The following MANSC4 variants were observed in gnomAD, a reference collection of about 807,000 sequenced individuals.
MANSC4 encodes the protein MANSC domain-containing protein 4.
MANSC4 carries 11 observed loss-of-function variants against 11.4 expected under a neutral mutation model. The ratio of observed to expected loss-of-function variants is 0.97; its 90% CI spans 0.61 to 1.60. MANSC4 has a LOEUF of 1.60. Among genes scored for constraint, MANSC4 ranks in the 40% most tolerant of loss-of-function variants. The pLI is 0.00. For synonymous variants in MANSC4, 123 were observed against 147.1 expected (o/e 0.84, Z 1.19); for missense variants, 354 against 404.6 (o/e 0.88, Z 1.07).
Position 27,771,200 on chromosome 12 carries a change from G to A in MANSC4, c.77C>T (p.Pro26Leu). 6.4e-7 allele frequency: 1 copy of A among 1,552,006 alleles called. No individual in the cohort carries two copies. The highest frequency in any genetic ancestry group is 8.7e-7 in the Non-Finnish European group (1 of 1,147,080). ...MGWTSDSLCSPTIFYRDCWIR... is the reference protein window; with the variant it reads ...MGWTSDSLCSLTIFYRDCWIR... ...CCAGCAGTCTCTGTAAAAAATTGTG[G>A]GTGAGCAGAGAGAGTCTGATGTCCA... Residue 26 changes from proline to leucine, a missense_variant, in exon 2 of 4, where the codon CCC (proline) becomes CTC (leucine). By Grantham distance (98) the Pro-to-Leu change is moderately conservative (BLOSUM62 -3). Transcript: ENST00000381273.
intron 2 of MANSC4, among the ~76,000 whole-genome samples, chr12:27,767,625 C>T (rs1254668863): frequency 6.6e-6 from 1 of 151,968 alleles, no homozygotes; most frequent in African/African-American, 2.4e-5. Flanking sequence ...ATCGCTTAAA[C>T]CCAGGAGGTT....
At chr12:27,777,189 C>G (rs1035507952) in intron 1 of MANSC4, among the ~76,000 whole-genome samples, 1 of 152,186 alleles carries the variant, frequency 6.6e-6, no homozygotes, top group African/African-American at 2.4e-5. Flanking sequence ...AATTGCCTTT[C>G]TAATGCACAT....
chr12:27,767,473 G>C (rs1042185384), intron 2 of MANSC4, among the ~76,000 whole-genome samples: 2 of 152,084 alleles, frequency 1.3e-5, no homozygotes, highest in Non-Finnish European at 2.9e-5. Context: ...GGAGGCCGAG[G>C]GGGGCAGATC....
intron 2 of MANSC4, among the ~76,000 whole-genome samples, chr12:27,767,923 C>T (rs1054463664): frequency 6.6e-6 from 1 of 152,162 alleles, no homozygotes; most frequent in African/African-American, 2.4e-5. Context: ...CATCACCTTG[C>T]CTAGACTGCA....
intron 3 of MANSC4, among the ~76,000 whole-genome samples, chr12:27,763,784 G>GA (rs2062059137): frequency 6.6e-6 from 1 of 152,048 alleles, no homozygotes; most frequent in South Asian, 2.1e-4. Flanking sequence ...AGGCTGGAGT[G>GA]CAGTGGTATG....
chr12:27,766,784 G>C lies in MANSC4; in HGVS notation c.245C>G (p.Ala82Gly). 6.4e-7 allele frequency: 1 copy of C among 1,551,454 alleles called. No homozygotes were observed. Among genetic ancestry groups the C allele is most frequent in the Non-Finnish European group, 8.7e-7 (1 of 1,146,926 alleles). ...CLRKDVSCNL[A>G]VFYHSPIHDN... ...ATGAATAGGACTGTGGTAGAAGACA[G>C]CCAGGTTACAGGAAACTGAAAGGGA... Residue 82 changes from alanine (A) to glycine (G), a missense_variant, in exon 3 of 4, where the codon GCT (alanine) becomes GGT (glycine). Physicochemically the swap from Ala to Gly is moderately conservative, Grantham distance 60. Coordinates refer to ENST00000381273, the MANE Select transcript of MANSC4 (RefSeq NM_001146221.5).
intron 1 of MANSC4, among the ~76,000 whole-genome samples, chr12:27,774,956 G>A (rs1168709698): frequency 4.6e-5 from 7 of 151,986 alleles, no homozygotes; most frequent in Admixed American, 1.3e-4. Context: ...CCTGGGAGGC[G>A]GAGCTTGCAG....
At position 27,780,214 on chromosome 12, in the gene MANSC4, C is replaced by T. The variant is rs1298461164; in HGVS notation, c.-311G>A. ...GCGAGCGCGGGCGGCCCTCACCTCGCCGCTCCTCCCGGGCCGCCATCCCTC... is the reference window on the plus strand; with the variant it reads ...GCGAGCGCGGGCGGCCCTCACCTCGTCGCTCCTCCCGGGCCGCCATCCCTC... On this transcript the variant is annotated 5_prime_UTR_variant, in exon 1 of 4. Coordinates refer to ENST00000381273, the MANE Select transcript of MANSC4 (RefSeq NM_001146221.5). This position sits in a 1 kb window ranked among gnomAD's most constrained non-coding sequence, Gnocchi z 8.8. 5.0e-6 allele frequency: 5 copies of T among 995,060 alleles called. No homozygotes were observed. The highest frequency in any genetic ancestry group is 3.4e-5 in the South Asian group (1 of 29,062). 61.6% of individuals were successfully genotyped at this position (995,060 alleles called of 1,614,324 possible).
intron 2 of MANSC4, among the ~76,000 whole-genome samples, chr12:27,770,316 G>A (rs886071604): frequency 6.6e-6 from 1 of 152,104 alleles, no homozygotes; most frequent in Non-Finnish European, 1.5e-5. Context: ...GCGTAGCTGG[G>A]ATTACAGGCG....
chr12:27,766,761 G>C lies in MANSC4; in HGVS notation c.268C>G (p.His90Asp), dbSNP rs1201970295. ...NLAVFYHSPI[H>D]DNINCLHVHC... ...ACATGGAGGCAGTTGATATTGTCAT[G>C]AATAGGACTGTGGTAGAAGACAGCC... Residue 90 changes from histidine to aspartate, a missense_variant, in exon 3 of 4, where the codon CAT becomes GAT. His to Asp is a moderately conservative substitution (Grantham distance 81). Coordinates refer to ENST00000381273, the MANE Select transcript of MANSC4 (RefSeq NM_001146221.5). 1.9e-6 allele frequency: 3 copies of C among 1,551,754 alleles called. No homozygotes were observed. The South Asian group carries it at 3.6e-5, about 18-fold the overall frequency.
At chr12:27,767,179 C>T (rs1203176136) in intron 2 of MANSC4, among the ~76,000 whole-genome samples, 1 of 151,998 alleles carries the variant, frequency 6.6e-6, no homozygotes, top group Non-Finnish European at 1.5e-5. Flanking sequence ...CAGGGTTTCA[C>T]CATGTTGCCC....
At chr12:27,774,822 G>GACCATGC (rs1320002938) in intron 1 of MANSC4, among the ~76,000 whole-genome samples, 1 of 152,042 alleles carries the variant, frequency 6.6e-6, no homozygotes, top group Admixed American at 6.6e-5. Flanking sequence ...AGGAGATCGA[G>GACCATGC]ACCATGCTGG....
chr12:27,774,311 TTTAA>T (rs771856669), intron 1 of MANSC4, among the ~76,000 whole-genome samples: 6 of 152,200 alleles, frequency 3.9e-5, no homozygotes, highest in South Asian at 2.1e-4. Flanking sequence ...ATATTTCACC[TTTAA>T]TTAATTATTT....
intron 2 of MANSC4, among the ~76,000 whole-genome samples, chr12:27,769,087 T>G (rs1011818979): frequency 6.6e-6 from 1 of 152,140 alleles, no homozygotes; most frequent in African/African-American, 2.4e-5. Context: ...TTCTAGGACA[T>G]CCTCATGTTG....
intron 2 of MANSC4, among the ~76,000 whole-genome samples, chr12:27,769,831 T>G (rs1324956589): frequency 6.6e-6 from 1 of 152,226 alleles, no homozygotes; most frequent in Admixed American, 6.5e-5. Flanking sequence ...TATTTTAAAG[T>G]GCTGTGTTGC....
chr12:27,771,158 C>G lies in MANSC4; in HGVS notation c.119G>C (p.Gly40Ala), dbSNP rs2062098866. ...AGACTCCTCCAGATTGATTAGAAGACCTGGGAAGCGACGGATCCAGCAGTC... is the reference window on the plus strand; with the variant it reads ...AGACTCCTCCAGATTGATTAGAAGAGCTGGGAAGCGACGGATCCAGCAGTC... The part of the protein sequence containing the change: ...YRDCWIRRFP[G>A]LLINLEESQK... The change falls in exon 2 of 4, where the codon GGT (glycine) becomes GCT (alanine). Residue 40 changes from glycine (G) to alanine (A), a missense_variant. Gly to Ala is a moderately conservative substitution (Grantham distance 60). Transcript: ENST00000381273. The G allele has an allele frequency of 6.4e-7, 1 of 1,551,858 alleles. No homozygotes were observed. The highest frequency in any genetic ancestry group is 1.4e-5 in the African/African-American group (1 of 73,044).
chr12:27,779,944 G>A (rs1438299065), intron 1 of MANSC4: 2 of 151,280 alleles, frequency 1.3e-5, no homozygotes, highest in Non-Finnish European at 3.0e-5. Context: ...CCCGAGAGCC[G>A]GATCCAGCCG....
At chr12:27,763,799 C>A (rs1238904818) in intron 3 of MANSC4, among the ~76,000 whole-genome samples, 1 of 152,024 alleles carries the variant, frequency 6.6e-6, no homozygotes, top group Non-Finnish European at 1.5e-5. Flanking sequence ...GGTATGGTCT[C>A]AGCTCACTGC....
chr12:27,771,924 A>G (rs2062102503), intron 1 of MANSC4, among the ~76,000 whole-genome samples: 1 of 151,960 alleles, frequency 6.6e-6, no homozygotes, highest in Non-Finnish European at 1.5e-5. Context: ...CACACCTGTA[A>G]TCTCAACACT....
Sources: allele counts gnomAD v4.1 joint callset (sites outside exome capture counted in the v4.1 genomes callset), GRCh38; gene constraint gnomAD v4.1.1; non-coding constraint Gnocchi (gnomAD v3.1); transcripts MANE v1.5; gene names NCBI Gene and HGNC (gene_info 2026-07-23, HGNC 2026-07-21).